Variants in PRLR observed in about 807,000 individuals in gnomAD.
PRLR encodes the protein prolactin receptor, also known as hPRL receptor.
A neutral mutation model predicts 40.2 loss-of-function variants in PRLR; 13 were observed. The observed-to-expected ratio is 0.32, with a 90% CI of 0.21 to 0.51. The LOEUF (loss-of-function observed/expected upper bound fraction) is 0.51. PRLR is among the 20% of genes least tolerant of loss of function. The pLI is 0.97. For missense variants in PRLR, 656 were observed against 747.3 expected, an observed-to-expected ratio of 0.88 and a Z score of 1.42; for synonymous variants, 269 against 278.7, an observed-to-expected ratio of 0.97 and a Z score of 0.35.
intron 1 of PRLR, among the ~76,000 whole-genome samples, chr5:35,166,844 T>C (rs1204358829): frequency 6.6e-6 from 1 of 152,184 alleles, no homozygotes; most frequent in East Asian, 1.9e-4. Context: ...CTGTGTATTA[T>C]ATTGCTTTTT....
chr5:35,180,960 G>T (rs908439739), intron 1 of PRLR, among the ~76,000 whole-genome samples: 1 of 152,134 alleles, frequency 6.6e-6, no homozygotes, highest in Admixed American at 6.5e-5. Flanking sequence ...TACAGGTATG[G>T]ATCTCCTACC....
chr5:35,083,543 G>A (rs1192074785), intron 5 of PRLR, among the ~76,000 whole-genome samples: 1 of 139,928 alleles, frequency 7.1e-6, no homozygotes, highest in Non-Finnish European at 1.5e-5. Context: ...TTTTTGATGT[G>A]GAGTCTCGCT....
At chr5:35,230,075 C>T (rs920921927) in intron 1 of PRLR, among the ~76,000 whole-genome samples, 193 bp downstream of exon 1, 2 of 151,768 alleles carry the variant, frequency 1.3e-5, no homozygotes, top group Admixed American at 6.6e-5. Context: ...GGGCGGGAGG[C>T]GGGCGGATCC....
At chr5:35,158,009 G>GTT (rs753816127) in intron 1 of PRLR, among the ~76,000 whole-genome samples, 12 of 152,182 alleles carry the variant, frequency 7.9e-5, no homozygotes, top group Non-Finnish European at 1.6e-4. Context: ...CACACTTTGA[G>GTT]TATTTAGAGA....
In PRLR at chr5:35,099,367, G is replaced by A. The variant is rs553169351; in HGVS notation, c.-43-9704C>T. Among the ~76,000 whole-genome samples the A allele has an allele frequency of 3.9e-5, 6 of 152,260 alleles. No homozygotes were observed. In the East Asian group the frequency reaches 1.2e-3, roughly 29 times the overall value. ...CTAACATCGTAACGTAATGCTTTACGCCGTGTTTGTGGTGACACTGGTGTA... is the reference window on the plus strand; with the variant it reads ...CTAACATCGTAACGTAATGCTTTACACCGTGTTTGTGGTGACACTGGTGTA... On this transcript the variant is annotated intron_variant, in intron 2 of 9. Coordinates refer to ENST00000618457, the MANE Select transcript of PRLR (RefSeq NM_000949.7).
intron 1 of PRLR, among the ~76,000 whole-genome samples, chr5:35,123,708 C>T (rs1773365145): frequency 6.6e-6 from 1 of 152,188 alleles, no homozygotes; most frequent in Admixed American, 6.6e-5. Context: ...TGATGTAAAA[C>T]AAGGAGCTAA....
chr5:35,133,599 G>A (rs888524601), intron 1 of PRLR, among the ~76,000 whole-genome samples: 1 of 152,164 alleles, frequency 6.6e-6, no homozygotes, highest in African/African-American at 2.4e-5. Flanking sequence ...TGGAAATAGA[G>A]ACCAACTAGC....
intron 1 of PRLR, among the ~76,000 whole-genome samples, chr5:35,171,389 T>G (rs142751012): frequency 1.4e-4 from 22 of 152,290 alleles, no homozygotes; most frequent in Non-Finnish European, 2.6e-4. Context: ...GCCCAGCAAG[T>G]TGTGAGCTAA....
chr5:35,200,077 G>A (rs1398741383), intron 1 of PRLR, among the ~76,000 whole-genome samples: 2 of 152,316 alleles, frequency 1.3e-5, no homozygotes, highest in African/African-American at 4.8e-5. Context: ...GGACAAAGCC[G>A]CACATTGTAA....
At chr5:35,114,850 C>A (rs187202936) in intron 2 of PRLR, among the ~76,000 whole-genome samples, 13 of 152,252 alleles carry the variant, frequency 8.5e-5, no homozygotes, top group South Asian at 2.1e-4. Flanking sequence ...AGTTTGGGTG[C>A]GGCAGATGCA....
intron 1 of PRLR, among the ~76,000 whole-genome samples, chr5:35,141,233 C>T (rs565372301): frequency 7.0e-6 from 1 of 143,252 alleles, no homozygotes; most frequent in Non-Finnish European, 1.5e-5. Context: ...TTCCTTAATA[C>T]CTGAAAAAAA....
intron 1 of PRLR, among the ~76,000 whole-genome samples, chr5:35,138,978 A>G (rs1773935019): frequency 6.6e-6 from 1 of 152,210 alleles, no homozygotes. Context: ...AAGGACAGAT[A>G]TTGGTCAAAA....
At chr5:35,228,459 A>C (rs1776608901) in intron 1 of PRLR, among the ~76,000 whole-genome samples, 1 of 152,178 alleles carries the variant, frequency 6.6e-6, no homozygotes, top group Non-Finnish European at 1.5e-5. Context: ...CAAAGTACAG[A>C]GGTTCAAAAG....
chr5:35,179,583 C>T (rs577480414), intron 1 of PRLR, among the ~76,000 whole-genome samples: 22 of 152,324 alleles, frequency 1.4e-4, no homozygotes, highest in Middle Eastern at 3.4e-3. Flanking sequence ...TTGATAACAG[C>T]ACCTCTCTAT....
At chr5:35,211,051 T>C (rs1004317116) in intron 1 of PRLR, among the ~76,000 whole-genome samples, 1 of 152,190 alleles carries the variant, frequency 6.6e-6, no homozygotes, top group Admixed American at 6.5e-5. Context: ...GCAGGATAAT[T>C]TCTATACAAA....
chr5:35,053,217 A>T (rs931121994), downstream of PRLR, among the ~76,000 whole-genome samples: 4 of 152,214 alleles, frequency 2.6e-5, no homozygotes, highest in Admixed American at 2.6e-4. Context: ...GAGACATAAG[A>T]GGTATAAAGA....
At chr5:35,225,507 T>C (rs985981036) in intron 1 of PRLR, among the ~76,000 whole-genome samples, 4 of 152,208 alleles carry the variant, frequency 2.6e-5, no homozygotes, top group Non-Finnish European at 5.9e-5. Context: ...TTAGTCTAGA[T>C]CAGTGCTATT....
intron 1 of PRLR, among the ~76,000 whole-genome samples, chr5:35,153,353 C>A (rs751349148): frequency 7.9e-5 from 12 of 152,150 alleles, no homozygotes; most frequent in Non-Finnish European, 1.6e-4. Context: ...TGTTGCCCCC[C>A]AGGCCAATTC....
intron 1 of PRLR, among the ~76,000 whole-genome samples, chr5:35,121,797 T>A (rs1773301659): frequency 6.6e-6 from 1 of 152,182 alleles, no homozygotes; most frequent in Non-Finnish European, 1.5e-5. Flanking sequence ...TGAACCGAGA[T>A]CTCTTTGATG....
Sources: allele counts gnomAD v4.1 joint callset (sites outside exome capture counted in the v4.1 genomes callset), GRCh38; gene constraint gnomAD v4.1.1; transcripts MANE v1.5; gene names NCBI Gene and HGNC (gene_info 2026-07-23, HGNC 2026-07-21).